The following RBL1 variants were observed in gnomAD, a reference collection of about 807,000 sequenced individuals.
RBL1 encodes the protein retinoblastoma-like protein 1.
Under a neutral mutation model 123.0 loss-of-function variants are expected in RBL1, and 82 were observed. That is an observed-to-expected ratio of 0.67 (90% confidence interval 0.56 to 0.80). The LOEUF is 0.80. Ranked by LOEUF, RBL1 falls within the 30% of genes least tolerant of loss-of-function variation. The probability of loss-of-function intolerance (pLI) is 0.00; values close to 1 mark genes in which losing one functional copy is unlikely to be tolerated. For missense variants in RBL1, 1,171 were observed against 1,299.6 expected, an observed-to-expected ratio of 0.90 and a Z score of 1.52; for synonymous variants, 405 against 441.3, an observed-to-expected ratio of 0.92 and a Z score of 1.03.
At chr20:37,006,625 G>A (rs996388005) in intron 20 of RBL1, among the ~76,000 whole-genome samples, 2 of 151,074 alleles carry the variant, frequency 1.3e-5, no homozygotes, top group African/African-American at 2.4e-5. Flanking sequence ...CGGATCACAA[G>A]GTCAGGAGTT....
At chr20:37,028,400 C>G (rs1191454284) in intron 16 of RBL1, among the ~76,000 whole-genome samples, 1 of 151,842 alleles carries the variant, frequency 6.6e-6, no homozygotes, top group Non-Finnish European at 1.5e-5. Context: ...GGTGGTGACT[C>G]ACACAGTAAT....
At chr20:37,002,959 G>A (rs1244838886) in intron 21 of RBL1, among the ~76,000 whole-genome samples, 1 of 150,994 alleles carries the variant, frequency 6.6e-6, no homozygotes, top group Non-Finnish European at 1.5e-5. Context: ...CCTGAGCTCA[G>A]GCAATCTGCC....
chr20:37,054,919 A>G (rs2064978997), intron 11 of RBL1, among the ~76,000 whole-genome samples: 1 of 152,212 alleles, frequency 6.6e-6, no homozygotes, highest in Non-Finnish European at 1.5e-5. Context: ...AGAAAGACAC[A>G]GAAAAGAGAA....
intron 3 of RBL1, among the ~76,000 whole-genome samples, chr20:37,067,522 A>G (rs534068672): frequency 2.6e-4 from 39 of 152,076 alleles, no homozygotes; most frequent in African/African-American, 9.4e-4. Context: ...TAATCCCAGC[A>G]CTCTGGGAGG....
intron 19 of RBL1, among the ~76,000 whole-genome samples, chr20:37,013,107 A>G (rs1263932542): frequency 1.3e-5 from 2 of 152,258 alleles, no homozygotes; most frequent in Non-Finnish European, 2.9e-5. Context: ...CTCATTGAGA[A>G]CAGGCCATGA....
chr20:37,080,629 T>G (rs2065434390), intron 2 of RBL1, among the ~76,000 whole-genome samples: 1 of 151,810 alleles, frequency 6.6e-6, no homozygotes, highest in Admixed American at 6.6e-5. Context: ...CAGCAAATTT[T>G]TATAATTTTA....
rs199652442 is a variant in RBL1, at chr20:37,058,134, AC to A, written c.1251-1877del. ...TCTGTCTAAAAAAAAAAAAAACAAA[AC>A]AAAACAAAAAAAAAAAAGCCTATTC... is the stretch of plus-strand genomic sequence containing the variant. On this transcript the variant is annotated intron_variant, in intron 9 of 21. Coordinates refer to ENST00000373664, the MANE Select transcript of RBL1 (RefSeq NM_002895.5). Among the ~76,000 whole-genome samples, 80 of 139,930 alleles carry A rather than the reference AC, an allele frequency of 5.7e-4. 4 individuals are homozygous for A. Among genetic ancestry groups the A allele is most frequent in the East Asian group, 1.5e-3 (6 of 3,982 alleles). The allele number at this position is 139,930 out of a possible 152,430, so 91.8% of individuals were successfully genotyped here. A position where few individuals can be genotyped will look rare whatever the true frequency, so the allele number is the denominator to read the frequency against.
chr20:37,067,414 G>T, intron 3 of RBL1, 117 bp from the exon 4 acceptor site: 2 of 818,508 alleles, frequency 2.4e-6, no homozygotes, highest in Non-Finnish European at 3.7e-6. Context: ...CATTCATGAA[G>T]AAAAGTAATC....
chr20:37,089,401 A>T (rs1377872580), intron 1 of RBL1, among the ~76,000 whole-genome samples: 1 of 148,608 alleles, frequency 6.7e-6, no homozygotes, highest in African/African-American at 2.5e-5. Flanking sequence ...TTGTAATCCC[A>T]GTAACTCGGG....
At chr20:37,088,634 C>A (rs891632837) in intron 2 of RBL1, among the ~76,000 whole-genome samples, 4 of 151,542 alleles carry the variant, frequency 2.6e-5, no homozygotes, top group Admixed American at 6.6e-5. Flanking sequence ...GTGGGTAGAT[C>A]ATTTGAGGTC....
At chr20:37,011,531 T>C (rs547093280) in intron 19 of RBL1, among the ~76,000 whole-genome samples, 3 of 145,222 alleles carry the variant, frequency 2.1e-5, no homozygotes, top group African/African-American at 5.2e-5. Context: ...GCCCCCAGGG[T>C]TCAAGCAATT....
intron 7 of RBL1, among the ~76,000 whole-genome samples, chr20:37,063,647 G>T (rs2146297887): frequency 6.6e-6 from 1 of 151,966 alleles, no homozygotes; most frequent in South Asian, 2.1e-4. Flanking sequence ...AAGCAGCTGG[G>T]ATTATAGGTG....
chr20:37,010,821 TTTTTTA>T (rs1246649018), intron 19 of RBL1, among the ~76,000 whole-genome samples: 1 of 152,114 alleles, frequency 6.6e-6, no homozygotes, highest in African/African-American at 2.4e-5. Context: ...TATAATTATC[TTTTTTA>T]TTTTTAGAGA....
At chr20:37,081,011 C>T (rs542521779) in intron 2 of RBL1, among the ~76,000 whole-genome samples, 2 of 152,280 alleles carry the variant, frequency 1.3e-5, no homozygotes, top group African/African-American at 4.8e-5. Flanking sequence ...CCAAAAATAT[C>T]TTGAGGTTCC....
At chr20:37,034,175 G>A (rs1247400842) in intron 15 of RBL1, among the ~76,000 whole-genome samples, 5 of 151,970 alleles carry the variant, frequency 3.3e-5, no homozygotes, top group Non-Finnish European at 5.9e-5. Flanking sequence ...GGGCTAAAGT[G>A]ATCCTCTTGC....
chr20:37,000,367 T>TG (rs1010685533), intron 21 of RBL1, among the ~76,000 whole-genome samples: 4 of 118,922 alleles, frequency 3.4e-5, no homozygotes, highest in African/African-American at 6.1e-5. Context: ...AGAAGGGAGG[T>TG]GGGGGGGTTA....
chr20:37,066,609 C>A, intron 6 of RBL1, 115 bp downstream of exon 6: 1 of 929,228 alleles, frequency 1.1e-6, no homozygotes, highest in East Asian at 2.5e-5. Flanking sequence ...AGGCTAAAGC[C>A]TGGGAATCCT....
intron 19 of RBL1, among the ~76,000 whole-genome samples, chr20:37,013,003 G>A (rs1694016892): frequency 6.6e-6 from 1 of 151,968 alleles, no homozygotes; most frequent in South Asian, 2.1e-4. Flanking sequence ...ACCCCGTTGG[G>A]GAGGTGAGGG....
chr20:37,034,701 A>T (rs900012371), intron 15 of RBL1, among the ~76,000 whole-genome samples: 4 of 151,984 alleles, frequency 2.6e-5, no homozygotes, highest in Admixed American at 6.6e-5. Flanking sequence ...AAAAAAGAAG[A>T]AAAGAAAAAG....
Sources: allele counts gnomAD v4.1 joint callset (sites outside exome capture counted in the v4.1 genomes callset), GRCh38; gene constraint gnomAD v4.1.1; transcripts MANE v1.5; gene names NCBI Gene and HGNC (gene_info 2026-07-23, HGNC 2026-07-21).